SKAP2: variants seen among roughly 807,000 people sequenced by gnomAD.
SKAP2 encodes src kinase-associated phosphoprotein 2.
SKAP2 carries 28 observed loss-of-function variants against 54.9 expected under a neutral mutation model. The observed-to-expected ratio is 0.51, with a 90% CI of 0.38 to 0.70. SKAP2 has a LOEUF of 0.70. SKAP2 is among the 30% of genes least tolerant of loss of function. The probability of loss-of-function intolerance (pLI) is 0.00; values close to 1 mark genes in which losing one functional copy is unlikely to be tolerated. For synonymous variants in SKAP2, 137 were observed against 134.3 expected (o/e 1.02, Z -0.14); for missense variants, 356 against 424.1 (o/e 0.84, Z 1.41).
Position 26,724,232 on chromosome 7 carries a change from A to C in SKAP2, c.796+1196T>G, listed in dbSNP as rs79036417. Reference sequence around the variant, plus strand: ...AAAACCATTACTGTACCACCACATAAGCACTTGCAAGAATTCACCAGATAC... The same window carrying C: ...AAAACCATTACTGTACCACCACATACGCACTTGCAAGAATTCACCAGATAC... On this transcript the variant is annotated intron_variant, in intron 9 of 12. Coordinates refer to ENST00000345317, the MANE Select transcript of SKAP2 (RefSeq NM_003930.5). Among the ~76,000 whole-genome samples the C allele has an allele frequency of 3.4e-3, 518 of 152,298 alleles. 11 individuals are homozygous for C. Among genetic ancestry groups the C allele is most frequent in the East Asian group, 0.018 (93 of 5,190 alleles).
At chr7:26,681,966 T>C (rs1038672185) in intron 11 of SKAP2, among the ~76,000 whole-genome samples, 1 of 152,092 alleles carries the variant, frequency 6.6e-6, no homozygotes, top group Non-Finnish European at 1.5e-5. Context: ...GTACAACAGC[T>C]GCAATTACCT....
chr7:26,836,970 T>C (rs1019310513), intron 4 of SKAP2, among the ~76,000 whole-genome samples: 2 of 152,002 alleles, frequency 1.3e-5, no homozygotes, highest in Non-Finnish European at 2.9e-5. Context: ...GTAAAGAAAA[T>C]GTGGCACATA....
chr7:26,864,540 C>T lies in SKAP2; in HGVS notation c.-111G>A. On this transcript the variant is annotated 5_prime_UTR_variant, in exon 1 of 13. Transcript: ENST00000345317. ...GGCTAGCGGCCCGGATTAAGAACAG[C>T]GGGGCTACGAGTCGGGACACTGCCG... The T allele has an allele frequency of 2.7e-6, 4 of 1,464,464 alleles. No individual in the cohort carries two copies. The highest frequency in any genetic ancestry group is 2.5e-5 in the East Asian group (1 of 39,314). 90.7% of individuals were successfully genotyped at this position (1,464,464 alleles called of 1,614,324 possible).
At chr7:26,671,400 T>C (rs1786234133) in intron 11 of SKAP2, among the ~76,000 whole-genome samples, 1 of 152,066 alleles carries the variant, frequency 6.6e-6, no homozygotes, top group African/African-American at 2.4e-5. Context: ...TAGTACAGAC[T>C]TAATATTTGT....
In SKAP2 at chr7:26,854,769, A is replaced by C; in HGVS notation, c.173+16T>G. 6.3e-7 allele frequency: 1 copy of C among 1,575,546 alleles called. No homozygotes were observed. Among genetic ancestry groups the C allele is most frequent in the East Asian group, 2.3e-5 (1 of 44,270 alleles). ...TTCTATGTAAGAAATCAGTAAACAAAAGGTAAGTGACTTACATAGACTTTA... is the reference window on the plus strand; with the variant it reads ...TTCTATGTAAGAAATCAGTAAACAACAGGTAAGTGACTTACATAGACTTTA... On this transcript the variant is annotated intron_variant, in intron 2 of 12. Transcript: ENST00000345317.
intron 9 of SKAP2, among the ~76,000 whole-genome samples, chr7:26,692,216 G>A (rs1241088786): frequency 6.6e-6 from 1 of 152,164 alleles, no homozygotes; most frequent in Non-Finnish European, 1.5e-5. Context: ...GAGCAACAAA[G>A]GATGGCTAAG....
In SKAP2 at chr7:26,853,602, T is replaced by C. The variant is rs1785094625; in HGVS notation, c.199+535A>G. On this transcript the variant is annotated intron_variant, in intron 3 of 12. Transcript: ENST00000345317. Reference sequence around the variant, plus strand: ...TTAAAAAATGTCTATGGCCCCTATGTATTCATATCAAAATAACCACAAGGA... The same window carrying C: ...TTAAAAAATGTCTATGGCCCCTATGCATTCATATCAAAATAACCACAAGGA... Among the ~76,000 whole-genome samples, 5 of 152,178 alleles carry C rather than the reference T, an allele frequency of 3.3e-5. No homozygotes were observed. In the South Asian group the frequency reaches 1.0e-3, roughly 31 times the overall value.
In SKAP2 at chr7:26,787,854, A is replaced by ATTTCTT. The variant is rs1028845450; in HGVS notation, c.308-47896_308-47891dup. On this transcript the variant is annotated intron_variant, in intron 4 of 12. Transcript: ENST00000345317. ...CCCCACCTCTAACAGCGGGGATTAC[A>ATTTCTT]TTTCTTTTTCTTTTTCTTTTTAACC... 6.4e-4 allele frequency among the ~76,000 whole-genome samples: 97 copies of ATTTCTT among 152,048 alleles called. 1 individual carries two copies. Among genetic ancestry groups the ATTTCTT allele is most frequent in the African/African-American group, 2.2e-3 (90 of 41,486 alleles).
chr7:26,750,475 T>C (rs2127966207), intron 4 of SKAP2, among the ~76,000 whole-genome samples: 1 of 152,090 alleles, frequency 6.6e-6, no homozygotes, highest in Non-Finnish European at 1.5e-5. Context: ...CATGCCCAAC[T>C]AATTTTTGTA....
At chr7:26,665,531 A>G (rs766342139), downstream of SKAP2, among the ~76,000 whole-genome samples, 20 of 152,132 alleles carry the variant, frequency 1.3e-4, no homozygotes, top group Non-Finnish European at 2.5e-4. Flanking sequence ...ATTAACAAAT[A>G]TTTACTGGAT....
Position 26,681,795 on chromosome 7 carries a change from C to T in SKAP2, c.987+2941G>A, listed in dbSNP as rs1786507204. On this transcript the variant is annotated intron_variant, in intron 11 of 12. Transcript: ENST00000345317. ...ATCTCTACAAATACTATTTTAGAATCCTTAAAATGTATTCTTCCTTATATA... is the reference window on the plus strand; with the variant it reads ...ATCTCTACAAATACTATTTTAGAATTCTTAAAATGTATTCTTCCTTATATA... Among the ~76,000 whole-genome samples the T allele has an allele frequency of 2.6e-5, 4 of 152,180 alleles. No homozygotes were observed. In the South Asian group the frequency reaches 8.3e-4, roughly 32 times the overall value.
chr7:26,665,893 G>C (rs9638840), downstream of SKAP2, among the ~76,000 whole-genome samples: 8,207 of 152,052 alleles, frequency 0.054, 426 homozygotes, highest in East Asian at 0.3. Flanking sequence ...TTTTAACAAT[G>C]TAGTACTTAT....
At chr7:26,734,739 G>T (rs955359163) in intron 6 of SKAP2, among the ~76,000 whole-genome samples, 5 of 152,108 alleles carry the variant, frequency 3.3e-5, no homozygotes. Flanking sequence ...TGGCGGAAAG[G>T]CAAGAGAGGG....
chr7:26,776,681 T>C (rs933661850), intron 4 of SKAP2, among the ~76,000 whole-genome samples: 2 of 152,172 alleles, frequency 1.3e-5, no homozygotes, highest in African/African-American at 4.8e-5. Flanking sequence ...ATCATTTCTT[T>C]TGGATCAACA....
chr7:26,857,824 G>T, intron 1 of SKAP2: 1 of 690,390 alleles, frequency 1.4e-6, no homozygotes, highest in Non-Finnish European at 1.8e-6. Context: ...GCTGGTTGGA[G>T]AAGAGATTTG....
intron 3 of SKAP2, 131 bp downstream of exon 3, chr7:26,854,006 A>G: frequency 1.7e-6 from 1 of 589,248 alleles, no homozygotes; most frequent in East Asian, 3.3e-5. Flanking sequence ...CTCATCTTGA[A>G]GGTCTAAGTA....
intron 6 of SKAP2, among the ~76,000 whole-genome samples, chr7:26,727,956 T>A (rs1266720816): frequency 6.6e-6 from 1 of 152,082 alleles, no homozygotes; most frequent in South Asian, 2.1e-4. Context: ...TGTTGTGGGG[T>A]GTGCTTTCTC....
At chr7:26,815,360 G>T (rs1175244210) in intron 4 of SKAP2, among the ~76,000 whole-genome samples, 1 of 152,042 alleles carries the variant, frequency 6.6e-6, no homozygotes, top group Non-Finnish European at 1.5e-5. Context: ...AGAATCTCAA[G>T]GTTGACACAT....
At chr7:26,688,829 G>A (rs1786708752) in intron 10 of SKAP2, among the ~76,000 whole-genome samples, 1 of 152,118 alleles carries the variant, frequency 6.6e-6, no homozygotes, top group Non-Finnish European at 1.5e-5. Context: ...CCATCTGTAT[G>A]TATCCACTTT....
Sources: allele counts gnomAD v4.1 joint callset (sites outside exome capture counted in the v4.1 genomes callset), GRCh38; gene constraint gnomAD v4.1.1; transcripts MANE v1.5; gene names NCBI Gene and HGNC (gene_info 2026-07-23, HGNC 2026-07-21).